CDH12: variants seen among roughly 807,000 people sequenced by gnomAD.
CDH12 encodes the protein cadherin-12.
Under a neutral mutation model 74.1 loss-of-function variants are expected in CDH12, and 41 were observed. The observed-to-expected ratio is 0.55, with a 90% CI of 0.43 to 0.72. The LOEUF (loss-of-function observed/expected upper bound fraction) is 0.72. Ranked by LOEUF, CDH12 falls within the 30% of genes least tolerant of loss-of-function variation. The pLI is 0.00. For missense variants in CDH12, 945 were observed against 977.2 expected (o/e 0.97, Z 0.44); for synonymous variants, 399 against 355.0 (o/e 1.12, Z -1.39).
At chr5:21,887,083 C>T (rs550073523) in intron 6 of CDH12, among the ~76,000 whole-genome samples, 4 of 152,232 alleles carry the variant, frequency 2.6e-5, no homozygotes, top group African/African-American at 9.6e-5. Flanking sequence ...TTTTCAGACT[C>T]ATTCACTCAT....
In CDH12 at chr5:22,058,768, A is replaced by AAGGG. The variant is rs201497539; in HGVS notation, c.231+19674_231+19677dup. Among the ~76,000 whole-genome samples the AAGGG allele has an allele frequency of 4.8e-3, 674 of 140,576 alleles. 7 individuals carry two copies. The highest frequency in any genetic ancestry group is 0.016 in the African/African-American group (616 of 39,154). The allele number at this position is 140,576 out of a possible 152,430, so 92.2% of individuals were successfully genotyped here. ...GGAAGGAAAGTGGAAGGAAGGAAGG[A>AAGGG]AGGGAGGGAGGGAGGGAGGAAAAGG... On this transcript the variant is annotated intron_variant, in intron 5 of 14. Coordinates refer to ENST00000382254, the MANE Select transcript of CDH12 (RefSeq NM_004061.5).
At chr5:22,664,751 AC>A (rs1365765488) in intron 1 of CDH12, among the ~76,000 whole-genome samples, 11 of 152,166 alleles carry the variant, frequency 7.2e-5, no homozygotes, top group African/African-American at 2.7e-4. Context: ...CAAGTAACGG[AC>A]AGGTTAAGTA....
intron 3 of CDH12, among the ~76,000 whole-genome samples, chr5:22,331,455 T>C (rs754804654): frequency 2.0e-5 from 3 of 152,192 alleles, no homozygotes; most frequent in Admixed American, 6.5e-5. Context: ...TTCTAGATTA[T>C]ATCTAAGACC....
In CDH12 at chr5:22,539,269, C is replaced by G. The variant is rs148462338; in HGVS notation, c.-522-33905G>C. 2.0e-5 allele frequency among the ~76,000 whole-genome samples: 3 copies of G among 152,242 alleles called. No homozygotes were observed. The East Asian group carries it at 5.8e-4, about 29-fold the overall frequency. On this transcript the variant is annotated intron_variant, in intron 1 of 14. Transcript: ENST00000382254. ...AATAGAACACTAAGAAGGAGTCTTT[C>G]TTGACTGTACATAAAGTTTGTGCAC... is the stretch of plus-strand genomic sequence containing the variant.
chr5:21,794,294 A>T (rs79543920), intron 10 of CDH12, among the ~76,000 whole-genome samples: 4,456 of 151,102 alleles, frequency 0.029, 187 homozygotes, highest in African/African-American at 0.095. Flanking sequence ...TTTGTTTTTC[A>T]TTTAGTAAAA....
chr5:22,319,417 C>T (rs112101047), intron 3 of CDH12, among the ~76,000 whole-genome samples: 5,083 of 152,182 alleles, frequency 0.033, 156 homozygotes, highest in African/African-American at 0.08. Context: ...TAAAAGGCAA[C>T]GCAGTTTACA....
chr5:21,902,163 T>A (rs543707788), intron 6 of CDH12, among the ~76,000 whole-genome samples: 1 of 152,016 alleles, frequency 6.6e-6, no homozygotes, highest in African/African-American at 2.4e-5. Flanking sequence ...TGTTGCCTCT[T>A]GATTATGAAG....
intron 8 of CDH12, among the ~76,000 whole-genome samples, chr5:21,836,906 G>T (rs1749567696): frequency 6.6e-6 from 1 of 151,898 alleles, no homozygotes; most frequent in Non-Finnish European, 1.5e-5. Flanking sequence ...AATATGGCAT[G>T]TATCATTTCT....
intron 4 of CDH12, among the ~76,000 whole-genome samples, chr5:22,181,677 CA>C (rs1444791403): frequency 6.6e-6 from 1 of 152,014 alleles, no homozygotes; most frequent in Non-Finnish European, 1.5e-5. Flanking sequence ...ATAATGTACA[CA>C]AAAGCAGACA....
chr5:22,852,775 T>C (rs996885766), intron 1 of CDH12, among the ~76,000 whole-genome samples: 1 of 152,246 alleles, frequency 6.6e-6, no homozygotes, highest in Admixed American at 6.5e-5. Context: ...TTTGAAAATT[T>C]AGCCATGCTA....
chr5:21,776,216 G>C (rs146720133), intron 11 of CDH12, among the ~76,000 whole-genome samples: 3 of 152,308 alleles, frequency 2.0e-5, no homozygotes, highest in African/African-American at 7.2e-5. Context: ...GTGTGGAATA[G>C]TTGCTCGTCC....
At chr5:22,092,549 C>T (rs773996095) in intron 4 of CDH12, among the ~76,000 whole-genome samples, 1 of 151,976 alleles carries the variant, frequency 6.6e-6, no homozygotes, top group South Asian at 2.1e-4. Context: ...AAATGCAAAT[C>T]GAAAACCACA....
intron 6 of CDH12, among the ~76,000 whole-genome samples, chr5:21,916,749 G>T: frequency 6.6e-6 from 1 of 151,852 alleles, no homozygotes; most frequent in East Asian, 1.9e-4. Flanking sequence ...AATTGATGCT[G>T]TCCGATGCAA....
intron 4 of CDH12, among the ~76,000 whole-genome samples, chr5:22,088,960 T>C (rs1379713369): frequency 6.6e-6 from 1 of 152,158 alleles, no homozygotes; most frequent in Non-Finnish European, 1.5e-5. Context: ...TAAAACTTCA[T>C]ACCAAATACT....
chr5:22,186,166 A>G (rs1489514914), intron 4 of CDH12, among the ~76,000 whole-genome samples: 2 of 152,232 alleles, frequency 1.3e-5, no homozygotes, highest in Admixed American at 1.3e-4. Flanking sequence ...TATGTGCGGC[A>G]TAAGATTTAG....
chr5:22,055,279 C>A (rs183327014), intron 5 of CDH12, among the ~76,000 whole-genome samples: 1 of 152,120 alleles, frequency 6.6e-6, no homozygotes, highest in African/African-American at 2.4e-5. Flanking sequence ...TGAGAAAGAA[C>A]CAGCCATTCT....
At chr5:22,275,041 C>T (rs944089584) in intron 3 of CDH12, among the ~76,000 whole-genome samples, 1 of 152,058 alleles carries the variant, frequency 6.6e-6, no homozygotes, top group Admixed American at 6.6e-5. Flanking sequence ...AGTGCACCAG[C>T]TTCTGAGTTC....
chr5:22,717,466 A>C (rs762613283), intron 1 of CDH12, among the ~76,000 whole-genome samples: 1 of 152,176 alleles, frequency 6.6e-6, no homozygotes, highest in Non-Finnish European at 1.5e-5. Context: ...AGTCAATGAC[A>C]AAACTTCCTA....
chr5:21,847,641 C>T (rs1341162616), intron 7 of CDH12, among the ~76,000 whole-genome samples: 1 of 151,956 alleles, frequency 6.6e-6, no homozygotes, highest in African/African-American at 2.4e-5. Context: ...CGGAGTCTAC[C>T]CATATAATAA....
Sources: allele counts gnomAD v4.1 joint callset (sites outside exome capture counted in the v4.1 genomes callset), GRCh38; gene constraint gnomAD v4.1.1; transcripts MANE v1.5; gene names NCBI Gene and HGNC (gene_info 2026-07-23, HGNC 2026-07-21).